ARHGEF11: variants seen among roughly 807,000 people sequenced by gnomAD.
The protein encoded by ARHGEF11 is Rho guanine exchange factor (GEF) 11.
A neutral mutation model predicts 193.7 loss-of-function variants in ARHGEF11; 55 were observed. That is an observed-to-expected ratio of 0.28 (90% CI 0.23 to 0.36). The LOEUF (loss-of-function observed/expected upper bound fraction) is 0.36. ARHGEF11 is among the 10% of genes least tolerant of loss of function. The probability of loss-of-function intolerance (pLI) is 1.00; values close to 1 mark genes in which losing one functional copy is unlikely to be tolerated. For synonymous variants in ARHGEF11, 693 were observed against 768.0 expected (o/e 0.90, Z 1.62); for missense variants, 1,723 against 2,005.6 (o/e 0.86, Z 2.69).
At chr1:156,987,093 A>G (rs892227230) in intron 1 of ARHGEF11, among the ~76,000 whole-genome samples, 3 of 152,238 alleles carry the variant, frequency 2.0e-5, no homozygotes, top group African/African-American at 4.8e-5. Context: ...AGAAATTTCA[A>G]TAACTGCTGT....
chr1:156,958,695 A>G, intron 17 of ARHGEF11, 47 bp downstream of exon 17: 2 of 1,611,538 alleles, frequency 1.2e-6, no homozygotes, highest in Non-Finnish European at 1.7e-6. Context: ...AAATATGTCA[A>G]CCTGCTTAGG....
At chr1:157,009,466 A>G (rs1187433059) in intron 1 of ARHGEF11, among the ~76,000 whole-genome samples, 1 of 152,202 alleles carries the variant, frequency 6.6e-6, no homozygotes, top group African/African-American at 2.4e-5. Context: ...CAAATAAGAG[A>G]AGTTAAGTCC....
At chr1:157,009,138 A>T (rs989445250) in intron 1 of ARHGEF11, among the ~76,000 whole-genome samples, 1 of 152,240 alleles carries the variant, frequency 6.6e-6, no homozygotes, top group Non-Finnish European at 1.5e-5. Context: ...ATGTCTCTGC[A>T]CATTTTTAAA....
chr1:156,936,280 T>C (rs750364015), intron 40 of ARHGEF11: 2 of 726,252 alleles, frequency 2.8e-6, no homozygotes, highest in East Asian at 2.7e-5. Context: ...CTTGTCTTCC[T>C]GAGTTATGAC....
intron 33 of ARHGEF11, among the ~76,000 whole-genome samples, chr1:156,942,457 G>A (rs1282802684): frequency 1.3e-5 from 2 of 152,194 alleles, no homozygotes; most frequent in African/African-American, 2.4e-5. Flanking sequence ...CAGCAGCAGC[G>A]GCTGGAAGAC....
Position 156,944,070 on chromosome 1 carries a change from C to T in ARHGEF11, c.3100G>A (p.Val1034Met). 6.2e-7 allele frequency: 1 copy of T among 1,614,100 alleles called. No individual in the cohort carries two copies. Among genetic ancestry groups the T allele is most frequent in the Non-Finnish European group, 8.5e-7 (1 of 1,179,976 alleles). Residue 1034 changes from valine (V) to methionine (M), a missense_variant, in exon 32 of 41, where the codon GTG becomes ATG. By Grantham distance (21) the Val-to-Met change is conservative. This residue lies in a region of ARHGEF11 where 491 missense variants were observed against 654.5 expected (regional missense o/e 0.75). Transcript: ENST00000368194. Reference protein sequence around the residue: ...LHVLLLEDLLVLLQKQDEKLL... With the variant: ...LHVLLLEDLLMLLQKQDEKLL... Reference sequence around the variant, plus strand: ...TTCTCATCCTGTTTCTGTAGCAGCACTAGGAGGTCCTCCAGCAGCAGCACG... The same window carrying T: ...TTCTCATCCTGTTTCTGTAGCAGCATTAGGAGGTCCTCCAGCAGCAGCACG...
chr1:156,940,510 G>C, intron 35 of ARHGEF11, 85 bp from the exon 36 acceptor site: 1 of 1,255,008 alleles, frequency 8.0e-7, no homozygotes, highest in Non-Finnish European at 1.1e-6. Context: ...GGAGCCAAGG[G>C]GCTGGGAACA....
chr1:157,023,638 C>T (rs992286091), intron 1 of ARHGEF11, among the ~76,000 whole-genome samples: 5 of 151,956 alleles, frequency 3.3e-5, no homozygotes, highest in East Asian at 1.9e-4. Context: ...CAGTGGCATG[C>T]GCCTGTAATA....
At chr1:157,038,871 T>C (rs1163872288) in intron 1 of ARHGEF11, among the ~76,000 whole-genome samples, 1 of 152,024 alleles carries the variant, frequency 6.6e-6, no homozygotes, top group Non-Finnish European at 1.5e-5. Context: ...CTACAAAAAT[T>C]AGCCAGGTGT....
chr1:156,984,475 C>T (rs6427339), intron 2 of ARHGEF11, 38 bp from the exon 3 acceptor site: 638,537 of 1,508,168 alleles, frequency 0.42, 142,746 homozygotes, highest in East Asian at 0.81. Flanking sequence ...CGCAGTGTCA[C>T]TGGGAGGTTA....
At chr1:156,951,999 G>C (rs1462687469) in intron 21 of ARHGEF11, among the ~76,000 whole-genome samples, 1 of 151,868 alleles carries the variant, frequency 6.6e-6, no homozygotes, top group Non-Finnish European at 1.5e-5. Flanking sequence ...TAACGCTTCT[G>C]CTTGAAAGTC....
In ARHGEF11 at chr1:156,955,763, C is replaced by G. The variant is rs1159025120; in HGVS notation, c.1708G>C (p.Asp570His). The G allele has an allele frequency of 6.2e-7, 1 of 1,614,190 alleles. No individual in the cohort carries two copies. The highest frequency in any genetic ancestry group is 8.5e-7 in the Non-Finnish European group (1 of 1,180,032). Reference protein sequence around the residue: ...NSKKEKDALEDKKRNPILKYI... With the variant: ...NSKKEKDALEHKKRNPILKYI... ...TTGAGGATAGGGTTTCGCTTCTTGT[C>G]CTCCAAGGCATCCTTTTCTTTCTTG... Residue 570 changes from aspartate to histidine, a missense_variant, in exon 20 of 41, where the codon GAC becomes CAC. By Grantham distance (81) the Asp-to-His change is moderately conservative (BLOSUM62 -1). Transcript: ENST00000368194.
At chr1:156,936,495 A>ATATATATATATAT (rs1330599702) in intron 40 of ARHGEF11, among the ~76,000 whole-genome samples, 22 of 57,082 alleles carry the variant, frequency 3.9e-4, no homozygotes, top group South Asian at 8.7e-4. Flanking sequence ...AAAAAAAAAA[A>ATATATATATATAT]AAATATATAT....
At chr1:156,980,573 G>T in intron 3 of ARHGEF11, 87 bp from the exon 4 acceptor site, 1 of 1,426,442 alleles carries the variant, frequency 7.0e-7, no homozygotes, top group Non-Finnish European at 9.7e-7. Flanking sequence ...CCTCTCCTCT[G>T]AAATTTCCTC....
chr1:157,009,475 C>A (rs1348129897), intron 1 of ARHGEF11, among the ~76,000 whole-genome samples: 1 of 152,102 alleles, frequency 6.6e-6, no homozygotes, highest in Non-Finnish European at 1.5e-5. Flanking sequence ...GAAGTTAAGT[C>A]CAAATCCACA....
chr1:156,944,223 C>A (rs984644827), intron 31 of ARHGEF11, 121 bp from the exon 32 acceptor site: 4 of 1,432,304 alleles, frequency 2.8e-6, no homozygotes, highest in African/African-American at 1.4e-5. Flanking sequence ...GACCCCATTT[C>A]TCTCTCTGAT....
Position 156,970,015 on chromosome 1 carries a change from C to A in ARHGEF11, c.731G>T (p.Ser244Ile). 6.2e-7 allele frequency: 1 copy of A among 1,614,010 alleles called. No individual in the cohort carries two copies. Among genetic ancestry groups the A allele is most frequent in the Non-Finnish European group, 8.5e-7 (1 of 1,179,904 alleles). ...VDILPLYGDT[S>I]QRPSEGRLSL... ...GGACTTACCTTCTGATGGTCTCTGG[C>A]TGGTGTCACCATATAGTGGAAGTAT... The change falls in exon 9 of 41, where the codon AGC becomes ATC. Residue 244 changes from serine to isoleucine, a missense_variant. This residue lies in a region of ARHGEF11 where 646 missense variants were observed against 710.7 expected (regional missense o/e 0.91). Transcript: ENST00000368194.
At chr1:157,001,137 A>G (rs1400289867) in intron 1 of ARHGEF11, among the ~76,000 whole-genome samples, 1 of 152,082 alleles carries the variant, frequency 6.6e-6, no homozygotes, top group Non-Finnish European at 1.5e-5. Context: ...ATCATCACAG[A>G]TCCCTGCCTG....
intron 1 of ARHGEF11, among the ~76,000 whole-genome samples, chr1:156,989,794 G>A (rs141537540): frequency 6.6e-6 from 1 of 152,300 alleles, no homozygotes; most frequent in Non-Finnish European, 1.5e-5. Context: ...CATTGAAGAA[G>A]TAGCATGGTG....
Sources: gnomAD v4.1 joint callset for allele counts (sites outside exome capture counted in the v4.1 genomes callset) on GRCh38, gnomAD v4.1.1 for gene constraint, gnomAD v4.1.1 regional missense constraint, MANE v1.5 for transcripts, NCBI Gene and HGNC (gene_info 2026-07-23, HGNC 2026-07-21) for gene names.